Variants in WDR20 observed in about 807,000 individuals in gnomAD.
WDR20 encodes WD repeat domain 20, also known as WD repeat-containing protein 20.
WDR20 carries 3 observed loss-of-function variants against 38.7 expected under a neutral mutation model. The observed-to-expected ratio is 0.08, with a 90% CI of 0.04 to 0.20. The LOEUF (loss-of-function observed/expected upper bound fraction) is 0.20, where lower values mean the gene tolerates loss of function less well. Ranked by LOEUF, WDR20 falls within the 10% of genes least tolerant of loss-of-function variation. The pLI is 1.00. For missense variants in WDR20, 559 were observed against 727.7 expected (o/e 0.77, Z 2.67); for synonymous variants, 298 against 285.6 (o/e 1.04, Z -0.44).
chr14:102,166,273 AT>A (rs1201818270), intron 1 of WDR20, among the ~76,000 whole-genome samples: 3 of 151,982 alleles, frequency 2.0e-5, no homozygotes, highest in Admixed American at 6.6e-5. Context: ...ATGCTGTTTA[AT>A]TTTTTTTAAC....
At chr14:102,166,372 AG>A (rs2059789447) in intron 1 of WDR20, among the ~76,000 whole-genome samples, 1 of 152,194 alleles carries the variant, frequency 6.6e-6, no homozygotes, top group Non-Finnish European at 1.5e-5. Flanking sequence ...TTTGTAACCT[AG>A]TTAAACCATT....
At chr14:102,151,263 C>T (rs1454797119) in intron 1 of WDR20, among the ~76,000 whole-genome samples, 1 of 143,942 alleles carries the variant, frequency 6.9e-6, no homozygotes, top group African/African-American at 2.6e-5. Context: ...TGATGTTAAA[C>T]CCAAGGCCTG....
downstream of WDR20, chr14:102,214,684 GTA>G (rs1310314203): frequency 2.0e-6 from 2 of 983,220 alleles, no homozygotes; most frequent in Admixed American, 6.1e-5. Flanking sequence ...AAAATCAAAA[GTA>G]AAATTCACAT....
At chr14:102,161,144 T>TATATATATATATA (rs1374208711) in intron 1 of WDR20, among the ~76,000 whole-genome samples, 7 of 7,290 alleles carry the variant, frequency 9.6e-4, no homozygotes, top group African/African-American at 1.6e-3. Context: ...ATATATATAT[T>TATATATATATATA]TTTTTTTTTT....
intron 1 of WDR20, among the ~76,000 whole-genome samples, chr14:102,158,500 G>A (rs886460651): frequency 3.3e-5 from 5 of 152,060 alleles, no homozygotes; most frequent in Admixed American, 6.5e-5. Flanking sequence ...GTTTCACCAT[G>A]TTGGTCAGGC....
chr14:102,183,494 GTGT>G lies in WDR20; in HGVS notation c.250-11439_250-11437del, dbSNP rs2063856406. ...ATATGATATACAATTACTGCTACAC[GTGT>G]TGTTTATTGAAATTTTAGACATTAC... On this transcript the variant is annotated intron_variant, in intron 1 of 2. Coordinates refer to ENST00000342702, the MANE Select transcript of WDR20 (RefSeq NM_144574.4). 2.0e-5 allele frequency among the ~76,000 whole-genome samples: 3 copies of G among 152,186 alleles called. 1 individual carries two copies. The South Asian group carries it at 6.2e-4, about 32-fold the overall frequency.
intron 1 of WDR20, among the ~76,000 whole-genome samples, chr14:102,181,839 G>A (rs1295117039): frequency 6.6e-6 from 1 of 151,992 alleles, no homozygotes; most frequent in Non-Finnish European, 1.5e-5. Context: ...GTTGATTTTA[G>A]CCTTCAGTGT....
At chr14:102,153,307 C>CTTT (rs57513596) in intron 1 of WDR20, among the ~76,000 whole-genome samples, 21 of 128,186 alleles carry the variant, frequency 1.6e-4, no homozygotes, top group East Asian at 2.2e-4. Context: ...AAACCTCTTT[C>CTTT]TTTTTTTTTT....
intron 1 of WDR20, among the ~76,000 whole-genome samples, chr14:102,180,121 G>A (rs2063067072): frequency 6.6e-6 from 1 of 152,104 alleles, no homozygotes; most frequent in African/African-American, 2.4e-5. Flanking sequence ...CTCCAGCCTG[G>A]GCGACATAGC....
intron 1 of WDR20, among the ~76,000 whole-genome samples, chr14:102,156,404 G>A (rs1374664271): frequency 8.6e-5 from 13 of 151,968 alleles, no homozygotes; most frequent in African/African-American, 3.1e-4. Flanking sequence ...TCCTGACCTC[G>A]TGATCTGCCC....
At chr14:102,161,140 ATATTT>A (rs1196419023) in intron 1 of WDR20, among the ~76,000 whole-genome samples, 7 of 10,810 alleles carry the variant, frequency 6.5e-4, no homozygotes, top group African/African-American at 1.9e-3. Flanking sequence ...ATATATATAT[ATATTT>A]TTTTTTTTTT....
Position 102,195,098 on chromosome 14 carries a change from C to T in WDR20, c.410C>T (p.Thr137Ile), listed in dbSNP as rs749640292. ...CTTATAGACCCAATCAAAAAAGAAA[C>T]TAGCAAACTTTTTAATGAGGAAGTA... Reference protein sequence around the residue: ...VQLIDPIKKETSKLFNEERLI... With the variant: ...VQLIDPIKKEISKLFNEERLI... Residue 137 changes from threonine to isoleucine, a missense_variant, in exon 2 of 3, where the codon ACT (threonine) becomes ATT (isoleucine). Coordinates refer to ENST00000342702, the MANE Select transcript of WDR20 (RefSeq NM_144574.4). The T allele has an allele frequency of 3.1e-6, 5 of 1,613,946 alleles. No individual in the cohort carries two copies. Among genetic ancestry groups the T allele is most frequent in the Admixed American group, 1.7e-5 (1 of 59,960 alleles).
At chr14:102,179,594 C>A (rs61992528) in intron 1 of WDR20, among the ~76,000 whole-genome samples, 9,114 of 151,974 alleles carry the variant, frequency 0.06, 400 homozygotes, top group Non-Finnish European at 0.092. Context: ...GTATTTATAA[C>A]TTAAAAAAAT....
downstream of WDR20, chr14:102,213,881 C>T (rs183677499): frequency 7.1e-6 from 7 of 985,410 alleles, no homozygotes; most frequent in South Asian, 9.4e-5. Flanking sequence ...GAAACCCAAG[C>T]GCCACATCAT....
chr14:102,140,421 T>C (rs979912983), intron 1 of WDR20, among the ~76,000 whole-genome samples: 1 of 151,312 alleles, frequency 6.6e-6, no homozygotes, highest in Admixed American at 6.6e-5. Context: ...GCTGGGAGGC[T>C]CCCGGGGGAG....
chr14:102,193,372 C>G, intron 1 of WDR20: 4 of 1,367,128 alleles, frequency 2.9e-6, no homozygotes, highest in Non-Finnish European at 4.1e-6. Context: ...TCTCCTCGCT[C>G]CAGTCAGGAC....
chr14:102,181,482 CTTT>C (rs72280704), intron 1 of WDR20, among the ~76,000 whole-genome samples: 1 of 146,450 alleles, frequency 6.8e-6, no homozygotes, highest in Non-Finnish European at 1.5e-5. Flanking sequence ...ACAAGTGTGA[CTTT>C]TTTTTTTTAA....
chr14:102,210,645 C>T (rs2062364931), downstream of WDR20: 4 of 583,294 alleles, frequency 6.9e-6, no homozygotes, highest in South Asian at 1.5e-4. Context: ...AGAAGTGCCT[C>T]TTGCCACATA....
intron 1 of WDR20, among the ~76,000 whole-genome samples, chr14:102,194,727 A>G (rs1312307950): frequency 6.6e-6 from 1 of 152,270 alleles, no homozygotes; most frequent in African/African-American, 2.4e-5. Flanking sequence ...AGTTGTAAAC[A>G]TATTATAGAT....
Sources: allele counts gnomAD v4.1 joint callset (sites outside exome capture counted in the v4.1 genomes callset), GRCh38; gene constraint gnomAD v4.1.1; transcripts MANE v1.5; gene names NCBI Gene and HGNC (gene_info 2026-07-23, HGNC 2026-07-21).